Variants in SYN2 observed in about 807,000 individuals in gnomAD.
The protein encoded by SYN2 is synapsin II.
A neutral mutation model predicts 50.9 loss-of-function variants in SYN2; 19 were observed. The observed-to-expected ratio is 0.37, with a 90% confidence interval of 0.26 to 0.55. SYN2 has a LOEUF of 0.55. Among genes scored for constraint, SYN2 ranks in the 20% least tolerant of loss-of-function variants. SYN2 has a pLI of 0.81. For synonymous variants in SYN2, 255 were observed against 224.9 expected (o/e 1.13, Z -1.20); for missense variants, 587 against 576.4 (o/e 1.02, Z -0.19).
intron 1 of SYN2, among the ~76,000 whole-genome samples, chr3:12,075,261 C>A (rs1023267851): frequency 1.3e-5 from 2 of 152,112 alleles, no homozygotes; most frequent in African/African-American, 4.8e-5. Flanking sequence ...TGCACCATTG[C>A]ATTCTAAATT....
At position 12,098,856 on chromosome 3, in the gene SYN2, C is replaced by CATATATATATATATAT. The variant is rs35420190; in HGVS notation, c.378-41785_378-41770dup. 4.0e-3 allele frequency among the ~76,000 whole-genome samples: 529 copies of CATATATATATATATAT among 133,550 alleles called. 7 individuals carry two copies. The highest frequency in any genetic ancestry group is 0.026 in the East Asian group (111 of 4,226). 87.6% of individuals were successfully genotyped at this position (133,550 alleles called of 152,430 possible). On this transcript the variant is annotated intron_variant, in intron 1 of 12. Transcript: ENST00000621198. ...GTCACAAATAGGTTAAAAGCAAAAGCATATATATATATATATATATATATA... is the reference window on the plus strand; with the variant it reads ...GTCACAAATAGGTTAAAAGCAAAAGCATATATATATATATATATATATATATATATATATATATATA...
chr3:12,179,374 GAAAAA>G (rs536283283), intron 10 of SYN2, among the ~76,000 whole-genome samples: 22 of 92,570 alleles, frequency 2.4e-4, no homozygotes, highest in East Asian at 7.6e-4. Context: ...AGAACTGAAA[GAAAAA>G]AAAAAAAAAA....
At chr3:12,009,491 C>G (rs1693872616) in intron 1 of SYN2, among the ~76,000 whole-genome samples, 1 of 152,200 alleles carries the variant, frequency 6.6e-6, no homozygotes, top group African/African-American at 2.4e-5. Context: ...GAATCATCAT[C>G]TAGCCTAGAG....
intron 11 of SYN2, chr3:12,185,215 A>C (rs1165816101): frequency 1.0e-6 from 1 of 985,774 alleles, no homozygotes; most frequent in Non-Finnish European, 1.2e-6. Context: ...CAATCTGATG[A>C]AACGATAGAA....
At chr3:12,163,076 TA>T (rs1228047741) in intron 7 of SYN2, among the ~76,000 whole-genome samples, 53 of 151,704 alleles carry the variant, frequency 3.5e-4, no homozygotes, top group African/African-American at 8.2e-4. Flanking sequence ...CCATCTCTAC[TA>T]AAAAATACAA....
chr3:12,174,890 A>G (rs935790550), intron 10 of SYN2, among the ~76,000 whole-genome samples: 1 of 152,104 alleles, frequency 6.6e-6, no homozygotes, highest in Non-Finnish European at 1.5e-5. Flanking sequence ...TCTGCATAGC[A>G]CTCACTATCA....
At chr3:12,123,427 AAAAAC>A (rs1398545996) in intron 1 of SYN2, among the ~76,000 whole-genome samples, 1 of 152,220 alleles carries the variant, frequency 6.6e-6, no homozygotes, top group African/African-American at 2.4e-5. Context: ...GCTGAGAGGA[AAAAAC>A]AAAACAATCT....
chr3:12,163,901 A>G (rs1360919869), intron 7 of SYN2, among the ~76,000 whole-genome samples: 8 of 151,976 alleles, frequency 5.3e-5, no homozygotes, highest in Admixed American at 5.2e-4. Flanking sequence ...ACATGGTGAG[A>G]CCCCATCTCT....
At chr3:12,057,325 A>G (rs900138) in intron 1 of SYN2, among the ~76,000 whole-genome samples, 92,888 of 130,198 alleles carry the variant, frequency 0.71, 30,976 homozygotes, top group South Asian at 0.8. Context: ...GTGTGTGTGT[A>G]TACTTTTTGA....
At chr3:12,165,942 TA>T (rs1697777782) in intron 7 of SYN2, among the ~76,000 whole-genome samples, 1 of 152,148 alleles carries the variant, frequency 6.6e-6, no homozygotes, top group Non-Finnish European at 1.5e-5. Flanking sequence ...GGACTAGATA[TA>T]TAATCTCGGA....
At chr3:12,093,215 A>G (rs1242461888) in intron 1 of SYN2, among the ~76,000 whole-genome samples, 1 of 152,158 alleles carries the variant, frequency 6.6e-6, no homozygotes, top group Non-Finnish European at 1.5e-5. Context: ...GGTTTATTGA[A>G]CAGATTCTGG....
intron 1 of SYN2, among the ~76,000 whole-genome samples, chr3:12,135,118 A>G (rs894365775): frequency 2.6e-5 from 4 of 152,232 alleles, no homozygotes; most frequent in Non-Finnish European, 5.9e-5. Flanking sequence ...GCAGCAAATA[A>G]GCAGCTGGAG....
chr3:12,161,821 C>T lies in SYN2; in HGVS notation c.838-191C>T. The T allele has an allele frequency of 3.0e-6, 3 of 996,438 alleles. No homozygotes were observed. The South Asian group carries it at 4.9e-5, about 16-fold the overall frequency. 61.7% of individuals were successfully genotyped at this position (996,438 alleles called of 1,614,324 possible). A position where few individuals can be genotyped will look rare whatever the true frequency, so the allele number is the denominator to read the frequency against. ...CCTGCTTGGTCCTCTGGGTCCTTTG[C>T]AGCAAGTGTGGCCCTTGAGTTCTGG... On this transcript the variant is annotated intron_variant, in intron 6 of 12. Coordinates refer to ENST00000621198, the MANE Select transcript of SYN2 (RefSeq NM_133625.6).
chr3:12,034,165 CT>C (rs1694443496), intron 1 of SYN2, among the ~76,000 whole-genome samples: 1 of 152,318 alleles, frequency 6.6e-6, no homozygotes, highest in African/African-American at 2.4e-5. Context: ...TATGGTTCCA[CT>C]TTCTTCACAT....
At chr3:12,155,776 G>A (rs1574866256) in intron 5 of SYN2, among the ~76,000 whole-genome samples, 1 of 152,174 alleles carries the variant, frequency 6.6e-6, no homozygotes, top group Non-Finnish European at 1.5e-5. Context: ...CATTTCCCCT[G>A]CTGTACCTCC....
At chr3:12,186,382 G>A (rs1440364490) in intron 11 of SYN2, among the ~76,000 whole-genome samples, 1 of 152,166 alleles carries the variant, frequency 6.6e-6, no homozygotes, top group Non-Finnish European at 1.5e-5. Context: ...TCAACTCCCA[G>A]AGGAAGGAGG....
chr3:12,190,224 C>A (rs1258149369), intron 12 of SYN2, among the ~76,000 whole-genome samples: 1 of 152,086 alleles, frequency 6.6e-6, no homozygotes, highest in Non-Finnish European at 1.5e-5. Context: ...TCGCCTCTTC[C>A]TCCTCTTTCC....
At chr3:12,061,152 A>G (rs1203234432) in intron 1 of SYN2, among the ~76,000 whole-genome samples, 22 of 152,176 alleles carry the variant, frequency 1.4e-4, no homozygotes, top group Admixed American at 1.2e-3. Flanking sequence ...TTGAAAATAC[A>G]TATGTCAGTG....
chr3:12,182,663 T>C (rs1698249979), intron 10 of SYN2, among the ~76,000 whole-genome samples: 1 of 152,222 alleles, frequency 6.6e-6, no homozygotes, highest in African/African-American at 2.4e-5. Context: ...ACGACCCCTT[T>C]CTTTAAGTCC....
Sources: gnomAD v4.1 joint callset for allele counts (sites outside exome capture counted in the v4.1 genomes callset) on GRCh38, gnomAD v4.1.1 for gene constraint, MANE v1.5 for transcripts, NCBI Gene and HGNC (gene_info 2026-07-23, HGNC 2026-07-21) for gene names.